Variants in ATF6 observed in about 807,000 individuals in gnomAD.
ATF6 encodes activating transcription factor 6.
A neutral mutation model predicts 83.6 loss-of-function variants in ATF6; 53 were observed. That is an observed-to-expected ratio of 0.63 (90% CI 0.51 to 0.80). The LOEUF (loss-of-function observed/expected upper bound fraction) is 0.80, where lower values mean the gene tolerates loss of function less well. Among genes scored for constraint, ATF6 ranks in the 30% least tolerant of loss-of-function variants. ATF6 has a pLI of 0.00. For synonymous variants in ATF6, 288 were observed against 285.8 expected, an observed-to-expected ratio of 1.01 and a Z score of -0.08; for missense variants, 744 against 797.9, an observed-to-expected ratio of 0.93 and a Z score of 0.81.
chr1:161,851,386 G>A (rs939935930), intron 10 of ATF6, among the ~76,000 whole-genome samples: 4 of 151,942 alleles, frequency 2.6e-5, no homozygotes, highest in African/African-American at 4.8e-5. Context: ...CAATTACCCC[G>A]TTACTGTGTT....
chr1:161,925,163 T>A (rs1385269438), intron 15 of ATF6, among the ~76,000 whole-genome samples: 5 of 152,198 alleles, frequency 3.3e-5, no homozygotes, highest in Non-Finnish European at 7.3e-5. Flanking sequence ...GTGACCTGGG[T>A]TCATGGTGCC....
chr1:161,938,509 A>C (rs1010773047), intron 15 of ATF6, among the ~76,000 whole-genome samples: 1 of 152,236 alleles, frequency 6.6e-6, no homozygotes, highest in African/African-American at 2.4e-5. Flanking sequence ...TATTTTTCAG[A>C]TGAGAAAAGT....
At chr1:161,832,329 C>T (rs978516268) in intron 9 of ATF6, among the ~76,000 whole-genome samples, 4 of 152,200 alleles carry the variant, frequency 2.6e-5, no homozygotes, top group Non-Finnish European at 4.4e-5. Context: ...CCAGCGTGAG[C>T]AATGCAGAAG....
chr1:161,869,230 A>G (rs1381895786), intron 14 of ATF6, among the ~76,000 whole-genome samples: 3 of 151,932 alleles, frequency 2.0e-5, no homozygotes, highest in Non-Finnish European at 2.9e-5. Flanking sequence ...AGAATGGCAT[A>G]TTTTCTTAAT....
At chr1:161,771,597 C>G (rs1475957922) in intron 1 of ATF6, among the ~76,000 whole-genome samples, 1 of 152,126 alleles carries the variant, frequency 6.6e-6, no homozygotes, top group East Asian at 1.9e-4. Flanking sequence ...CTGGATCACT[C>G]TCTTTCACTT....
At position 161,952,501 on chromosome 1, in the gene ATF6, T is replaced by C. The variant is rs894937574; in HGVS notation, c.1805-5945T>C. On this transcript the variant is annotated intron_variant, in intron 15 of 15. Coordinates refer to ENST00000367942, the MANE Select transcript of ATF6 (RefSeq NM_007348.4). Reference sequence around the variant, plus strand: ...CATCATTCTCTATAACTTATTTTCTTTATTTTCTGTATCCACCCTCTCACT... The same window carrying C: ...CATCATTCTCTATAACTTATTTTCTCTATTTTCTGTATCCACCCTCTCACT... Among the ~76,000 whole-genome samples the C allele has an allele frequency of 2.0e-5, 3 of 152,166 alleles. 1 individual carries two copies. The East Asian group carries it at 5.8e-4, about 29-fold the overall frequency.
At chr1:161,871,885 A>G (rs1018890865) in intron 14 of ATF6, among the ~76,000 whole-genome samples, 22 of 151,444 alleles carry the variant, frequency 1.5e-4, no homozygotes, top group African/African-American at 5.3e-4. Context: ...AGAAAGCTGT[A>G]GTATTGCTTT....
At chr1:161,948,584 A>C (rs1688804378) in intron 15 of ATF6, among the ~76,000 whole-genome samples, 2 of 152,332 alleles carry the variant, frequency 1.3e-5, no homozygotes, top group South Asian at 4.1e-4. Flanking sequence ...CATTTTTAAA[A>C]ATTTTTAAAA....
At chr1:161,888,644 C>T (rs904155784) in intron 14 of ATF6, among the ~76,000 whole-genome samples, 1 of 152,222 alleles carries the variant, frequency 6.6e-6, no homozygotes, top group East Asian at 1.9e-4. Context: ...CTTTATAAAG[C>T]TCTCTTGATA....
Position 161,821,791 on chromosome 1 carries a change from A to G in ATF6, c.1187+630A>G, listed in dbSNP as rs144541778. On this transcript the variant is annotated intron_variant, in intron 9 of 15. Coordinates refer to ENST00000367942, the MANE Select transcript of ATF6 (RefSeq NM_007348.4). Reference sequence around the variant, plus strand: ...TTAGGAAGAGGACTTTGTGTGTTGTATTGAGTATAGACTGCAGTGAGGAGA... The same window carrying G: ...TTAGGAAGAGGACTTTGTGTGTTGTGTTGAGTATAGACTGCAGTGAGGAGA... 2.0e-4 allele frequency among the ~76,000 whole-genome samples: 31 copies of G among 152,272 alleles called. 1 individual carries two copies. Among genetic ancestry groups the G allele is most frequent in the Admixed American group, 1.5e-3 (23 of 15,290 alleles).
intron 14 of ATF6, among the ~76,000 whole-genome samples, chr1:161,905,462 C>G (rs1006794653): frequency 9.2e-5 from 14 of 152,248 alleles, no homozygotes; most frequent in Admixed American, 4.6e-4. Flanking sequence ...TACCTGACCC[C>G]CTGTGGTCTG....
intron 15 of ATF6, among the ~76,000 whole-genome samples, chr1:161,924,745 G>A (rs1688277253): frequency 1.3e-5 from 2 of 152,176 alleles, no homozygotes; most frequent in Non-Finnish European, 2.9e-5. Flanking sequence ...ACTCTATTAT[G>A]TAGGACAGAA....
intron 9 of ATF6, among the ~76,000 whole-genome samples, chr1:161,843,157 T>C (rs978994649): frequency 6.6e-6 from 1 of 152,200 alleles, no homozygotes; most frequent in South Asian, 2.1e-4. Flanking sequence ...TGGAGCCATT[T>C]AGACGTGCCA....
At chr1:161,919,981 T>C (rs143453731) in intron 15 of ATF6, among the ~76,000 whole-genome samples, 59 of 152,308 alleles carry the variant, frequency 3.9e-4, no homozygotes, top group African/African-American at 1.3e-3. Context: ...CTGCTTTTGA[T>C]GATCACAGTT....
At chr1:161,917,441 G>A (rs941142870) in intron 15 of ATF6, among the ~76,000 whole-genome samples, 22 of 149,618 alleles carry the variant, frequency 1.5e-4, no homozygotes, top group Non-Finnish European at 1.8e-4. Flanking sequence ...TTTTTTTGAA[G>A]GCAGAGTCTC....
At chr1:161,890,486 G>A (rs576172837) in intron 14 of ATF6, among the ~76,000 whole-genome samples, 1 of 152,332 alleles carries the variant, frequency 6.6e-6, no homozygotes, top group African/African-American at 2.4e-5. Flanking sequence ...GATTTGTTGA[G>A]CTCCCATGTA....
Position 161,791,529 on chromosome 1 carries a change from A to G in ATF6, c.476A>G (p.Asn159Ser). ...KEDKPVTGPR[N>S]KTENGLTPKK... ...GATAAGCCTGTCACTGGTCCTAGGA[A>G]CAAGACTGGTATTACTCTATCTCCT... The change falls in exon 5 of 16, where the codon AAC (asparagine) becomes AGC (serine). Residue 159 changes from asparagine (N) to serine (S), a missense_variant. Physicochemically the swap from Asn to Ser is conservative, Grantham distance 46. Coordinates refer to ENST00000367942, the MANE Select transcript of ATF6 (RefSeq NM_007348.4). The G allele has an allele frequency of 6.2e-7, 1 of 1,608,790 alleles. No individual in the cohort carries two copies. The highest frequency in any genetic ancestry group is 8.5e-7 in the Non-Finnish European group (1 of 1,178,982).
rs185296852 is a variant in ATF6, at chr1:161,815,332, C to T, written c.910-4301C>T. Among the ~76,000 whole-genome samples the T allele has an allele frequency of 5.3e-5, 8 of 151,590 alleles. No individual in the cohort carries two copies. In the East Asian group the frequency reaches 1.6e-3, roughly 30 times the overall value. ...TCAGCCTCTAGGGTAGCTAGGACTACAATTGTGCACCACGATGCCCAGCTA... is the reference window on the plus strand; with the variant it reads ...TCAGCCTCTAGGGTAGCTAGGACTATAATTGTGCACCACGATGCCCAGCTA... On this transcript the variant is annotated intron_variant, in intron 7 of 15. Transcript: ENST00000367942.
intron 9 of ATF6, among the ~76,000 whole-genome samples, chr1:161,823,816 C>A (rs1685819222): frequency 6.6e-6 from 1 of 152,114 alleles, no homozygotes; most frequent in South Asian, 2.1e-4. Flanking sequence ...TTTTAGGATC[C>A]CCAGAGTTCC....
Sources: allele counts gnomAD v4.1 joint callset (sites outside exome capture counted in the v4.1 genomes callset), GRCh38; gene constraint gnomAD v4.1.1; transcripts MANE v1.5; gene names NCBI Gene and HGNC (gene_info 2026-07-23, HGNC 2026-07-21).